Variants in TBXAS1 observed in about 807,000 individuals in gnomAD.
TBXAS1 encodes thromboxane-A synthase.
In TBXAS1, 48 loss-of-function variants were observed where a neutral mutation model predicts 60.7. That is an observed-to-expected ratio of 0.79 (90% CI 0.63 to 1.01). The LOEUF (loss-of-function observed/expected upper bound fraction) is 1.01, where lower values mean the gene tolerates loss of function less well. Ranked by LOEUF, TBXAS1 falls within the 50% of genes least tolerant of loss-of-function variation. The pLI, the probability that TBXAS1 is intolerant of heterozygous loss-of-function variation, is 0.00. For synonymous variants in TBXAS1, 287 were observed against 269.7 expected, an observed-to-expected ratio of 1.06 and a Z score of -0.63; for missense variants, 685 against 686.3, an observed-to-expected ratio of 1.00 and a Z score of 0.02.
chr7:139,819,358 C>T (rs1023687574), intron 4 of TBXAS1, among the ~76,000 whole-genome samples: 1 of 152,232 alleles, frequency 6.6e-6, no homozygotes, highest in Non-Finnish European at 1.5e-5. Flanking sequence ...TGAGTCACTG[C>T]ATGGAAGGCT....
intron 4 of TBXAS1, among the ~76,000 whole-genome samples, chr7:139,810,818 C>T (rs562459907): frequency 5.8e-4 from 88 of 152,206 alleles, no homozygotes; most frequent in Non-Finnish European, 9.7e-4. Flanking sequence ...ACAGCTACTT[C>T]TCCAGAGCAG....
chr7:139,936,352 T>G (rs1390787407), intron 5 of TBXAS1, 45 bp downstream of exon 5: 2 of 1,587,902 alleles, frequency 1.3e-6, no homozygotes, highest in East Asian at 4.5e-5. Flanking sequence ...CGGAGCAGGT[T>G]TCTTCTCTCC....
intron 3 of TBXAS1, among the ~76,000 whole-genome samples, chr7:139,887,989 T>C (rs1569508188): frequency 6.6e-6 from 1 of 152,188 alleles, no homozygotes; most frequent in African/African-American, 2.4e-5. Context: ...AAATTTACAC[T>C]TCCCTTTGTG....
At chr7:139,950,241 C>T (rs1036424540) in intron 5 of TBXAS1, among the ~76,000 whole-genome samples, 6 of 151,822 alleles carry the variant, frequency 4.0e-5, no homozygotes, top group African/African-American at 7.3e-5. Flanking sequence ...TCTGCTGGCC[C>T]GCCAGGCTGG....
chr7:139,886,284 G>GT (rs1421432365), intron 3 of TBXAS1, among the ~76,000 whole-genome samples: 21 of 151,756 alleles, frequency 1.4e-4, no homozygotes, highest in African/African-American at 4.8e-4. Flanking sequence ...TCCACCCTGA[G>GT]TAAGGCTGTC....
intron 3 of TBXAS1, among the ~76,000 whole-genome samples, chr7:139,881,457 C>A (rs559488379): frequency 8.0e-4 from 122 of 152,040 alleles, no homozygotes; most frequent in African/African-American, 2.9e-3. Context: ...ACCCTTTTTC[C>A]CCCCCTCCAG....
intron 4 of TBXAS1, among the ~76,000 whole-genome samples, chr7:139,799,803 C>T (rs952619357): frequency 6.6e-6 from 1 of 152,186 alleles, no homozygotes; most frequent in South Asian, 2.1e-4. Flanking sequence ...AGAACAACTT[C>T]CTTAATGTGG....
In TBXAS1 at chr7:139,978,825, C is replaced by T. The variant is rs78956793; in HGVS notation, c.1134+16592C>T. ...CAAAAATTAGCTGAGGCTGGTGGTGCGTGCTCGTACTCCCAGCTACTCAGG... is the reference window on the plus strand; with the variant it reads ...CAAAAATTAGCTGAGGCTGGTGGTGTGTGCTCGTACTCCCAGCTACTCAGG... On this transcript the variant is annotated intron_variant, in intron 9 of 12. Transcript: ENST00000448866. Among the ~76,000 whole-genome samples the T allele has an allele frequency of 5.8e-3, 866 of 149,834 alleles. 13 individuals are homozygous for T. The highest frequency in any genetic ancestry group is 0.02 in the African/African-American group (819 of 40,714).
intron 9 of TBXAS1, among the ~76,000 whole-genome samples, chr7:139,977,374 G>GT (rs2117482321): frequency 6.6e-6 from 1 of 152,198 alleles, no homozygotes; most frequent in Admixed American, 6.5e-5. Flanking sequence ...ATCAGATCTC[G>GT]TGAGACTTAC....
chr7:139,825,130 G>A (rs1236807819), upstream of TBXAS1, among the ~76,000 whole-genome samples: 1 of 80,764 alleles, frequency 1.2e-5, no homozygotes, highest in Admixed American at 1.2e-4. Context: ...CGCCCAGCCT[G>A]AGTTGATTTT....
intron 9 of TBXAS1, among the ~76,000 whole-genome samples, chr7:139,981,291 T>G (rs1404916430): frequency 1.3e-5 from 2 of 152,030 alleles, no homozygotes; most frequent in Admixed American, 6.6e-5. Flanking sequence ...AATTTTTGTA[T>G]TTTTAGTACA....
chr7:139,903,632 A>G (rs1804749232), intron 3 of TBXAS1, among the ~76,000 whole-genome samples: 1 of 151,898 alleles, frequency 6.6e-6, no homozygotes, highest in African/African-American at 2.4e-5. Flanking sequence ...TTATTTTTTG[A>G]TTATAGCCAT....
At chr7:139,880,959 A>C (rs1481119457) in intron 3 of TBXAS1, among the ~76,000 whole-genome samples, 1 of 152,226 alleles carries the variant, frequency 6.6e-6, no homozygotes, top group Non-Finnish European at 1.5e-5. Flanking sequence ...TGTCATTAAA[A>C]TGTGTGGTCA....
intron 9 of TBXAS1, among the ~76,000 whole-genome samples, chr7:139,994,501 C>T (rs1813151815): frequency 6.6e-6 from 1 of 152,144 alleles, no homozygotes; most frequent in South Asian, 2.1e-4. Flanking sequence ...TGGACATCAT[C>T]CTTGGGCAAA....
At position 139,941,920 on chromosome 7, in the gene TBXAS1, A is replaced by C. The variant is rs145338612; in HGVS notation, c.450+5613A>C. On this transcript the variant is annotated intron_variant, in intron 5 of 12. Coordinates refer to ENST00000448866, the MANE Select transcript of TBXAS1 (RefSeq NM_001061.7). ...CCCTGGGGACCCAGGTTAGCACTAG[A>C]TTTATTTTTAAATTTTATAACTCAT... Among the ~76,000 whole-genome samples the C allele has an allele frequency of 7.8e-3, 1,182 of 152,318 alleles. 15 individuals are homozygous for C. Among genetic ancestry groups the C allele is most frequent in the African/African-American group, 0.028 (1,144 of 41,562 alleles).
At chr7:139,836,015 C>A (rs1378177182) in intron 1 of TBXAS1, among the ~76,000 whole-genome samples, 1 of 150,576 alleles carries the variant, frequency 6.6e-6, no homozygotes, top group African/African-American at 2.4e-5. Context: ...AAGAAGTCAA[C>A]CCCTTTTACA....
rs74801557 is a variant in TBXAS1 at position 139,887,767 on chromosome 7, T to C, written c.236+12130T>C. Among the ~76,000 whole-genome samples the C allele has an allele frequency of 4.4e-3, 664 of 152,352 alleles. 4 individuals are homozygous for C. Among genetic ancestry groups the C allele is most frequent in the African/African-American group, 0.015 (636 of 41,578 alleles). Reference sequence around the variant, plus strand: ...AAATACCTCTTTGAGACCCTGCTTTTAGTTCTTTTGGGTATATATGCAGAG... The same window carrying C: ...AAATACCTCTTTGAGACCCTGCTTTCAGTTCTTTTGGGTATATATGCAGAG... On this transcript the variant is annotated intron_variant, in intron 3 of 12. Transcript: ENST00000448866.
chr7:140,020,187 C>T lies in TBXAS1; in HGVS notation c.*88C>T. On this transcript the variant is annotated 3_prime_UTR_variant, in exon 13 of 13. Transcript: ENST00000448866. ...TGTTCAGAATTTTGGAAAAATGTCA[C>T]TGAAGTGATTGAAAGAGTGCCTGGC... The T allele has an allele frequency of 3.1e-6, 4 of 1,297,472 alleles. No individual in the cohort carries two copies. Among genetic ancestry groups the T allele is most frequent in the Non-Finnish European group, 4.5e-6 (4 of 896,810 alleles). 80.4% of individuals were successfully genotyped at this position (1,297,472 alleles called of 1,614,324 possible).
chr7:139,991,533 T>C (rs1380094625), intron 9 of TBXAS1, among the ~76,000 whole-genome samples: 4 of 152,168 alleles, frequency 2.6e-5, no homozygotes, highest in Admixed American at 2.6e-4. Context: ...TTTATGAACA[T>C]CAAGGGAGGC....
Sources: allele counts gnomAD v4.1 joint callset (sites outside exome capture counted in the v4.1 genomes callset), GRCh38; gene constraint gnomAD v4.1.1; transcripts MANE v1.5; gene names NCBI Gene and HGNC (gene_info 2026-07-23, HGNC 2026-07-21).